The following DNAJB4 variants were observed in gnomAD, a reference collection of about 807,000 sequenced individuals.
DNAJB4 encodes DnaJ heat shock protein family (Hsp40) member B4.
In DNAJB4, 10 loss-of-function variants were observed where a neutral mutation model predicts 26.6. That is an observed-to-expected ratio of 0.38 (90% CI 0.23 to 0.64). The LOEUF is 0.64. Among genes scored for constraint, DNAJB4 ranks in the 30% least tolerant of loss-of-function variants. The pLI, the probability that DNAJB4 is intolerant of heterozygous loss-of-function variation, is 0.58. For synonymous variants in DNAJB4, 136 were observed against 134.8 expected, an observed-to-expected ratio of 1.01 and a Z score of -0.06; for missense variants, 328 against 408.2, an observed-to-expected ratio of 0.80 and a Z score of 1.69.
chr1:77,999,838 T>C (rs1660150146), intron 1 of DNAJB4, among the ~76,000 whole-genome samples: 1 of 152,120 alleles, frequency 6.6e-6, no homozygotes, highest in Non-Finnish European at 1.5e-5. Context: ...TTTAAGTCTT[T>C]ATTCTTTTGT....
intron 1 of DNAJB4, among the ~76,000 whole-genome samples, chr1:77,985,065 G>C (rs1659760466): frequency 6.6e-6 from 1 of 151,970 alleles, no homozygotes; most frequent in African/African-American, 2.4e-5. Flanking sequence ...AGGTACAAGA[G>C]GAAGAAGAAT....
chr1:78,015,774 C>T (rs1482276278), intron 2 of DNAJB4, among the ~76,000 whole-genome samples: 1 of 151,962 alleles, frequency 6.6e-6, no homozygotes, highest in African/African-American at 2.4e-5. Context: ...GTCTTGAACT[C>T]CTGACCTCAG....
At chr1:78,000,931 C>T (rs1414357799), upstream of DNAJB4, among the ~76,000 whole-genome samples, 1 of 151,900 alleles carries the variant, frequency 6.6e-6, no homozygotes, top group African/African-American at 2.4e-5. Flanking sequence ...TGCAGTGAGC[C>T]GAGATTGTGC....
chr1:78,001,286 G>A (rs1307892322), upstream of DNAJB4, among the ~76,000 whole-genome samples: 4 of 151,436 alleles, frequency 2.6e-5, no homozygotes, highest in African/African-American at 7.3e-5. Context: ...GGTGCAGTGA[G>A]CTATGATTGT....
intron 1 of DNAJB4, among the ~76,000 whole-genome samples, chr1:78,005,812 T>C (rs1040467323): frequency 1.3e-5 from 2 of 152,246 alleles, no homozygotes; most frequent in Non-Finnish European, 2.9e-5. Flanking sequence ...TTGCCTTTCT[T>C]ATAGCAAGGC....
intron 1 of DNAJB4, among the ~76,000 whole-genome samples, chr1:77,984,616 G>T (rs1659748882): frequency 6.6e-6 from 1 of 152,128 alleles, no homozygotes; most frequent in Admixed American, 6.5e-5. Flanking sequence ...CAGAAATTTT[G>T]TCTTCTCCCT....
chr1:77,986,444 G>A (rs79886856), intron 1 of DNAJB4, among the ~76,000 whole-genome samples: 1,767 of 152,142 alleles, frequency 0.012, 32 homozygotes, highest in African/African-American at 0.041. Flanking sequence ...TACTTCTTCC[G>A]TTCCTCTAGT....
intron 1 of DNAJB4, among the ~76,000 whole-genome samples, chr1:77,982,429 A>C (rs1366780702): frequency 1.3e-5 from 2 of 152,228 alleles, no homozygotes; most frequent in African/African-American, 2.4e-5. Flanking sequence ...TCCAGATTAA[A>C]AATAGTCTTT....
At chr1:78,012,936 A>C (rs757449819) in intron 1 of DNAJB4, 115 bp from the exon 2 acceptor site, 17 of 808,862 alleles carry the variant, frequency 2.1e-5, no homozygotes, top group Non-Finnish European at 2.8e-5. Flanking sequence ...ATTTCTGGCC[A>C]ATATTAATAC....
At position 78,016,390 on chromosome 1, in the gene DNAJB4, C is replaced by A; in HGVS notation, c.*143C>A. On this transcript the variant is annotated 3_prime_UTR_variant, in exon 3 of 3. Transcript: ENST00000370763. ...TTAAATTGCATGAATAGAGACGGGTCAAATAAATAGGCAAAAGGGATTTTT... is the reference window on the plus strand; with the variant it reads ...TTAAATTGCATGAATAGAGACGGGTAAAATAAATAGGCAAAAGGGATTTTT... The A allele has an allele frequency of 1.6e-6, 1 of 643,614 alleles. No individual in the cohort carries two copies. Among genetic ancestry groups the A allele is most frequent in the Admixed American group, 3.3e-5 (1 of 30,014 alleles). 39.9% of individuals were successfully genotyped at this position (643,614 alleles called of 1,614,324 possible).
intron 1 of DNAJB4, among the ~76,000 whole-genome samples, chr1:77,989,814 C>T (rs1259306368): frequency 2.0e-5 from 3 of 152,180 alleles, no homozygotes; most frequent in Admixed American, 2.0e-4. Context: ...TAGGCTCTTA[C>T]TGTCTTTGTA....
Position 77,984,040 on chromosome 1 carries a change from T to C in DNAJB4, c.-32+3718T>C, listed in dbSNP as rs532608940. Among the ~76,000 whole-genome samples the C allele has an allele frequency of 2.0e-5, 3 of 152,302 alleles. No homozygotes were observed. The South Asian group carries it at 6.2e-4, about 32-fold the overall frequency. On this transcript the variant is annotated intron_variant, in intron 1 of 2. Transcript: ENST00000426517. The stretch of plus-strand genomic sequence containing the variant: ...TGGGAAGTGATTAGACTGGGGTACC[T>C]CCAGTGCCCTGTGTTCCTACATAAG...
chr1:77,997,879 C>G (rs1183458765), intron 1 of DNAJB4, among the ~76,000 whole-genome samples: 4 of 152,158 alleles, frequency 2.6e-5, no homozygotes, highest in African/African-American at 9.7e-5. Flanking sequence ...CCTCCACCTC[C>G]CAGGCCCAAA....
In DNAJB4 at chr1:78,006,405, C is replaced by T. The variant is rs371952881; in HGVS notation, c.211+1084C>T. Among the ~76,000 whole-genome samples, 42 of 152,286 alleles carry T rather than the reference C, an allele frequency of 2.8e-4. No homozygotes were observed. The South Asian group carries it at 8.7e-3, about 32-fold the overall frequency. On this transcript the variant is annotated intron_variant, in intron 1 of 2. Transcript: ENST00000370763. ...GTTTTTCTCCCAAAATACTGGCTTT[C>T]AAATCACTGTAGCTATGAAAACTTG...
At position 77,998,083 on chromosome 1, in the gene DNAJB4, C is replaced by T. The variant is rs535122831; in HGVS notation, c.-31-6997C>T. 7.2e-5 allele frequency among the ~76,000 whole-genome samples: 11 copies of T among 152,272 alleles called. No homozygotes were observed. In the South Asian group the frequency reaches 2.3e-3, roughly 32 times the overall value. ...AGCCACCGCACCGGCCTCTGTTTGA[C>T]TATCTTTAAAGCTCTTAAAACGATC... On this transcript the variant is annotated intron_variant, in intron 1 of 2. Transcript: ENST00000426517.
In DNAJB4 at chr1:78,017,824, C is replaced by T. The variant is rs1420989600; in HGVS notation, c.*1577C>T. ...TTAGCTTAATGTTTTCAAGGTTCAT[C>T]TATGTTGTATCACGTATCAGTACTT... On this transcript the variant is annotated 3_prime_UTR_variant, in exon 3 of 3. Transcript: ENST00000370763. 2 of 144,246 alleles carry T rather than the reference C, an allele frequency of 1.4e-5. No individual in the cohort carries two copies. The highest frequency in any genetic ancestry group is 2.6e-5 in the African/African-American group (1 of 38,940). The allele number at this position is 144,246 out of a possible 1,614,324, so 8.9% of individuals were successfully genotyped here.
chr1:77,983,359 G>C (rs1212943897), intron 1 of DNAJB4, among the ~76,000 whole-genome samples: 2 of 152,038 alleles, frequency 1.3e-5, no homozygotes, highest in Non-Finnish European at 2.9e-5. Flanking sequence ...CCTTCCTCTT[G>C]TCTCAACTGC....
chr1:78,008,444 G>C (rs560407088), intron 1 of DNAJB4, among the ~76,000 whole-genome samples: 1 of 152,134 alleles, frequency 6.6e-6, no homozygotes, highest in Non-Finnish European at 1.5e-5. Flanking sequence ...CTACACCATT[G>C]ATGAACCTCA....
intron 1 of DNAJB4, among the ~76,000 whole-genome samples, chr1:77,993,446 TG>T (rs1288569771): frequency 2.0e-5 from 3 of 152,126 alleles, no homozygotes; most frequent in Non-Finnish European, 4.4e-5. Context: ...CCCAAGTAGC[TG>T]GGACTACAAG....
Sources: allele counts gnomAD v4.1 joint callset (sites outside exome capture counted in the v4.1 genomes callset), GRCh38; gene constraint gnomAD v4.1.1; transcripts MANE v1.5; gene names NCBI Gene and HGNC (gene_info 2026-07-23, HGNC 2026-07-21).